Variants in TENM1 observed in about 807,000 individuals in gnomAD.
TENM1 encodes teneurin transmembrane protein 1.
In TENM1, 35 loss-of-function variants were observed where a neutral mutation model predicts 174.8. The observed-to-expected ratio is 0.20, with a 90% CI of 0.15 to 0.27. The LOEUF is 0.27. TENM1 is among the 10% of genes least tolerant of loss of function. The pLI, the probability that TENM1 is intolerant of heterozygous loss-of-function variation, is 1.00. For missense variants in TENM1, 1,633 were observed against 2,130.1 expected, an observed-to-expected ratio of 0.77 and a Z score of 4.59; for synonymous variants, 781 against 798.7, an observed-to-expected ratio of 0.98 and a Z score of 0.37.
At chrX:125,077,426 G>T in the TENM1 span, among the ~76,000 whole-genome samples, 29 of 110,996 alleles carry the variant, frequency 2.6e-4, no homozygotes, top group African/African-American at 9.1e-4. Flanking sequence ...GTAATTATTT[G>T]GATGAAGATT....
intron 11 of TENM1, among the ~76,000 whole-genome samples, chrX:124,623,229 C>T (rs919722948): frequency 5.5e-5 from 6 of 108,623 alleles, no homozygotes; most frequent in African/African-American, 2.1e-4. Context: ...GAACGTGCAA[C>T]AGTGTGTGTA....
intron 11 of TENM1, among the ~76,000 whole-genome samples, chrX:124,587,526 A>G (rs1256875352): frequency 5.4e-5 from 6 of 111,522 alleles, no homozygotes; most frequent in Admixed American, 9.5e-5. Context: ...TACACCTTAT[A>G]CAAAAACTAA....
At chrX:124,924,229 T>C (rs746634164) in intron 1 of TENM1, among the ~76,000 whole-genome samples, 4 of 112,012 alleles carry the variant, frequency 3.6e-5, no homozygotes, top group African/African-American at 1.3e-4. Context: ...TACTTTTATT[T>C]TATAATACAT....
intron 3 of TENM1, among the ~76,000 whole-genome samples, chrX:124,751,666 A>T (rs1442821413): frequency 5.6e-5 from 4 of 71,642 alleles, no homozygotes; most frequent in African/African-American, 2.1e-4. Flanking sequence ...AACAGTTCCC[A>T]GAGTGTGATG....
chrX:124,814,874 A>G lies in TENM1; in HGVS notation c.536-77677T>C, dbSNP rs186731892. Among the ~76,000 whole-genome samples the G allele has an allele frequency of 3.7e-3, 419 of 111,855 alleles. 1 individual carries two copies. The highest frequency in any genetic ancestry group is 0.013 in the African/African-American group (388 of 30,840). ...AAGCTAAAGCTGAAAGTAGCCTCCA[A>G]TGCCAGGTTTGTGGTAACTAAGTCC... On this transcript the variant is annotated intron_variant, in intron 3 of 31. Transcript: ENST00000422452.
chrX:124,569,970 C>A (rs2843531), intron 11 of TENM1, among the ~76,000 whole-genome samples: 7 of 109,959 alleles, frequency 6.4e-5, no homozygotes, highest in African/African-American at 9.9e-5. Flanking sequence ...GATAAACTCC[C>A]GGTGGAGACT....
the TENM1 span, among the ~76,000 whole-genome samples, chrX:125,141,269 A>G: frequency 6.7e-4 from 75 of 112,122 alleles, no homozygotes; most frequent in African/African-American, 2.4e-3. Context: ...GGCCATCCAT[A>G]CTGAGCAATG....
intron 18 of TENM1, among the ~76,000 whole-genome samples, chrX:124,517,473 T>C (rs902248394): frequency 3.7e-5 from 4 of 109,255 alleles, no homozygotes; most frequent in Non-Finnish European, 7.6e-5. Context: ...CATGGAATAC[T>C]ATGCAGCCAT....
chrX:125,052,255 A>T, the TENM1 span, among the ~76,000 whole-genome samples: 16 of 111,606 alleles, frequency 1.4e-4, no homozygotes, highest in African/African-American at 5.2e-4. Context: ...GAAGCAAACA[A>T]ACCATACTTA....
At chrX:124,860,576 G>T (rs2056893643) in intron 3 of TENM1, among the ~76,000 whole-genome samples, 1 of 111,615 alleles carries the variant, frequency 9.0e-6, no homozygotes, top group Admixed American at 9.5e-5. Flanking sequence ...GTATTTTCCA[G>T]TTTACTACCA....
chrX:124,990,396 T>A, the TENM1 span, among the ~76,000 whole-genome samples: 1 of 113,028 alleles, frequency 8.8e-6, no homozygotes, highest in Non-Finnish European at 1.9e-5. Context: ...AGCCATTTGT[T>A]TTTGCCCCAA....
chrX:124,420,845 A>G, intron 24 of TENM1, 24 bp from the exon 28 acceptor site: 1 of 1,187,168 alleles, frequency 8.4e-7, no homozygotes, highest in Non-Finnish European at 1.1e-6. Context: ...ACTTGATTTT[A>G]ACAATTGGCA....
chrX:125,040,453 C>T, the TENM1 span, among the ~76,000 whole-genome samples: 1 of 110,962 alleles, frequency 9.0e-6, no homozygotes, highest in Non-Finnish European at 1.9e-5. Context: ...GAAGTTTGGA[C>T]CATAAAATGT....
At chrX:124,819,032 A>C (rs1480612269) in intron 3 of TENM1, among the ~76,000 whole-genome samples, 1 of 112,056 alleles carries the variant, frequency 8.9e-6, no homozygotes, top group Admixed American at 9.5e-5. Flanking sequence ...GGCCAATGTC[A>C]GGCAAAATAA....
At chrX:125,196,999 C>T in the TENM1 span, among the ~76,000 whole-genome samples, 1 of 111,387 alleles carries the variant, frequency 9.0e-6, no homozygotes, top group East Asian at 2.8e-4. Context: ...GGCACCTTCT[C>T]TTTGACAGGT....
At chrX:124,385,480 C>T (rs934028441) in intron 29 of TENM1, among the ~76,000 whole-genome samples, 197 bp downstream of exon 32, 8 of 112,371 alleles carry the variant, frequency 7.1e-5, no homozygotes, top group Admixed American at 6.6e-4. Context: ...AAGAAATGCA[C>T]TATATGTTTT....
At chrX:124,709,542 T>C (rs754926488) in intron 4 of TENM1, among the ~76,000 whole-genome samples, 5 of 109,139 alleles carry the variant, frequency 4.6e-5, no homozygotes, top group East Asian at 5.7e-4. Flanking sequence ...GCAGAAATCA[T>C]CTAGTAGCCC....
At chrX:124,604,118 G>T (rs761222946) in intron 11 of TENM1, among the ~76,000 whole-genome samples, 1 of 110,587 alleles carries the variant, frequency 9.0e-6, no homozygotes, top group South Asian at 3.8e-4. Flanking sequence ...AAAATAATCG[G>T]TATAATAGCA....
chrX:124,859,838 GA>G (rs2056881227), intron 3 of TENM1, among the ~76,000 whole-genome samples: 2 of 111,808 alleles, frequency 1.8e-5, no homozygotes, highest in African/African-American at 6.5e-5. Flanking sequence ...TTATTTAACA[GA>G]AAAAGATGAA....
Sources: gnomAD v4.1 joint callset for allele counts (sites outside exome capture counted in the v4.1 genomes callset) on GRCh38, gnomAD v4.1.1 for gene constraint, MANE v1.5 for transcripts, NCBI Gene and HGNC (gene_info 2026-07-23, HGNC 2026-07-21) for gene names.